UGT2B7: variants seen among roughly 807,000 people sequenced by gnomAD.
UGT2B7 encodes the protein UDP glucuronosyltransferase family 2 member B7, also known as UDP-glucuronosyltransferase 2B7.
A neutral mutation model predicts 51.9 loss-of-function variants in UGT2B7; 51 were observed. That is an observed-to-expected ratio of 0.98 (90% CI 0.78 to 1.24). UGT2B7 has a LOEUF of 1.24. UGT2B7 is among the 50% of genes most tolerant of loss of function. UGT2B7 has a pLI of 0.00. For synonymous variants in UGT2B7, 225 were observed against 211.6 expected (o/e 1.06, Z -0.55); for missense variants, 727 against 628.4 (o/e 1.16, Z -1.68).
At chr4:69,056,271 T>C (rs934229645) in intron 1 of UGT2B7, among the ~76,000 whole-genome samples, 2 of 152,170 alleles carry the variant, frequency 1.3e-5, no homozygotes, top group Non-Finnish European at 2.9e-5. Context: ...CTCATGAAGA[T>C]ACTAGACCCC....
intron 1 of UGT2B7, among the ~76,000 whole-genome samples, chr4:69,078,311 A>G (rs1463164071): frequency 6.6e-6 from 1 of 152,166 alleles, no homozygotes; most frequent in Non-Finnish European, 1.5e-5. Flanking sequence ...TGCTAGCCTC[A>G]TAAAATGAGT....
At chr4:69,053,938 A>G (rs1718112413) in intron 1 of UGT2B7, among the ~76,000 whole-genome samples, 1 of 152,194 alleles carries the variant, frequency 6.6e-6, no homozygotes, top group South Asian at 2.1e-4. Flanking sequence ...AAGATATCAT[A>G]AAGCGAGAGA....
intron 1 of UGT2B7, among the ~76,000 whole-genome samples, chr4:69,072,941 C>T (rs1718630912): frequency 6.6e-6 from 1 of 152,136 alleles, no homozygotes; most frequent in South Asian, 2.1e-4. Context: ...GAGTAGGAGA[C>T]ATGGCTTTCT....
intron 5 of UGT2B7, among the ~76,000 whole-genome samples, chr4:69,109,531 C>T (rs1362822927): frequency 6.6e-6 from 1 of 152,118 alleles, no homozygotes; most frequent in Non-Finnish European, 1.5e-5. Context: ...ATTCATATAT[C>T]TTCTTTGAAA....
At chr4:69,052,499 T>C (rs1343646826) in intron 1 of UGT2B7, among the ~76,000 whole-genome samples, 1 of 134,016 alleles carries the variant, frequency 7.5e-6, no homozygotes, top group Non-Finnish European at 1.6e-5. Context: ...AATTCTAATC[T>C]TGTGGCCTTA....
At chr4:69,090,775 A>T (rs1004965352) in intron 2 of UGT2B7, among the ~76,000 whole-genome samples, 3 of 152,162 alleles carry the variant, frequency 2.0e-5, no homozygotes, top group Non-Finnish European at 4.4e-5. Flanking sequence ...AGTCTTTCTA[A>T]TTTTAAGGTC....
intron 1 of UGT2B7, among the ~76,000 whole-genome samples, chr4:69,085,077 C>T (rs896638515): frequency 6.6e-6 from 1 of 152,076 alleles, no homozygotes; most frequent in African/African-American, 2.4e-5. Context: ...CTAATTTACA[C>T]TCCCAGCAAC....
rs1403703291 is a variant in UGT2B7 at position 69,096,579 on chromosome 4, C to T, written c.59C>T (p.Ser20Phe). ...ATACAACTGAGCTTTTGCTTTAGCT[C>T]TGGGAATTGTGGAAAGGTGCTGGTG... The part of the protein sequence containing the change: ...LLIQLSFCFS[S>F]GNCGKVLVWA... Residue 20 changes from serine to phenylalanine, a missense_variant, in exon 1 of 6, where the codon TCT (serine) becomes TTT (phenylalanine). Ser to Phe is a radical substitution (Grantham distance 155). Transcript: ENST00000305231. The T allele has an allele frequency of 6.2e-7, 1 of 1,613,900 alleles. No individual in the cohort carries two copies. Among genetic ancestry groups the T allele is most frequent in the Non-Finnish European group, 8.5e-7 (1 of 1,179,874 alleles).
At chr4:69,098,789 G>T (rs1406708426) in intron 2 of UGT2B7, 101 bp downstream of exon 2, 1 of 1,558,186 alleles carries the variant, frequency 6.4e-7, no homozygotes, top group Admixed American at 2.1e-5. Context: ...CTGAAAGAAA[G>T]ATGGGAAATG....
intron 5 of UGT2B7, 30 bp downstream of exon 5, chr4:69,108,352 G>T (rs913522391): frequency 2.5e-6 from 4 of 1,607,310 alleles, no homozygotes; most frequent in African/African-American, 2.7e-5. Context: ...TCACTAGGTG[G>T]TATTTACAGA....
At chr4:69,078,746 A>T (rs1413473445) in intron 1 of UGT2B7, among the ~76,000 whole-genome samples, 3 of 152,130 alleles carry the variant, frequency 2.0e-5, no homozygotes, top group Non-Finnish European at 4.4e-5. Flanking sequence ...GAAAGTGAGA[A>T]CGCTAGGTGG....
At chr4:69,094,532 T>A (rs918818522), upstream of UGT2B7, among the ~76,000 whole-genome samples, 3 of 152,240 alleles carry the variant, frequency 2.0e-5, no homozygotes, top group Non-Finnish European at 4.4e-5. Context: ...AAAAAATACA[T>A]GCCTTAATTT....
At position 69,098,626 on chromosome 4, in the gene UGT2B7, C is replaced by T. The variant is rs575456073; in HGVS notation, c.808C>T (p.Leu270Phe). Residue 270 changes from leucine to phenylalanine, a missense_variant, in exon 2 of 6, where the codon CTC (leucine) becomes TTC (phenylalanine). By Grantham distance (22) the Leu-to-Phe change is conservative. Coordinates refer to ENST00000305231, the MANE Select transcript of UGT2B7 (RefSeq NM_001074.4). Reference protein sequence around the residue: ...NSWNFQFPYPLLPNVDFVGGL... With the variant: ...NSWNFQFPYPFLPNVDFVGGL... ...CTGGAATTTTCAGTTTCCATATCCA[C>T]TCTTACCAAATGTTGATTTTGTTGG... The T allele has an allele frequency of 6.2e-7, 1 of 1,612,680 alleles. No individual in the cohort carries two copies. The highest frequency in any genetic ancestry group is 2.2e-5 in the East Asian group (1 of 44,816).
chr4:69,052,569 CA>C (rs1204317464), intron 1 of UGT2B7, among the ~76,000 whole-genome samples: 11,898 of 65,038 alleles, frequency 0.18, 576 homozygotes, highest in African/African-American at 0.26. Context: ...TGGTTATCTT[CA>C]AAAAAAAAAA....
In UGT2B7 at chr4:69,058,528, G is replaced by A. The variant is rs532081778; in HGVS notation, c.-159+6926G>A. ...ACTCCTGCAAAGTTTAAGGGAAGGC[G>A]GGAGAAAGGCAATCAATATAGGGAA... On this transcript the variant is annotated intron_variant, in intron 1 of 5. Coordinates refer to the UGT2B7 transcript ENST00000502942. 4.1e-4 allele frequency among the ~76,000 whole-genome samples: 63 copies of A among 152,282 alleles called. 1 individual carries two copies. The South Asian group carries it at 0.01, about 25-fold the overall frequency.
chr4:69,096,465 A>G (rs1053746341), upstream of UGT2B7: 18 of 1,607,226 alleles, frequency 1.1e-5, no homozygotes, highest in African/African-American at 1.3e-5. Context: ...GGACATAACC[A>G]TGAGAAATGA....
intron 1 of UGT2B7, among the ~76,000 whole-genome samples, chr4:69,067,131 C>T (rs1718497430): frequency 6.6e-6 from 1 of 152,160 alleles, no homozygotes; most frequent in African/African-American, 2.4e-5. Context: ...TCTTTATCCA[C>T]AGTGTTCTCT....
At chr4:69,074,698 C>T (rs1718666476) in intron 1 of UGT2B7, among the ~76,000 whole-genome samples, 2 of 151,900 alleles carry the variant, frequency 1.3e-5, no homozygotes, top group South Asian at 4.1e-4. Flanking sequence ...TATTTTTTAA[C>T]AAAAGTCACT....
chr4:69,062,589 T>G (rs745491464), intron 1 of UGT2B7, among the ~76,000 whole-genome samples: 4 of 152,126 alleles, frequency 2.6e-5, no homozygotes, highest in African/African-American at 4.8e-5. Flanking sequence ...CAGCTGAAAT[T>G]ATCAGCCCAG....
Sources: allele counts gnomAD v4.1 joint callset (sites outside exome capture counted in the v4.1 genomes callset), GRCh38; gene constraint gnomAD v4.1.1; transcripts MANE v1.5; gene names NCBI Gene and HGNC (gene_info 2026-07-23, HGNC 2026-07-21).